SLC14A2: variants seen among roughly 807,000 people sequenced by gnomAD.
SLC14A2 encodes solute carrier family 14 member 2, also known as urea transporter 2.
A neutral mutation model predicts 104.6 loss-of-function variants in SLC14A2; 91 were observed. The ratio of observed to expected loss-of-function variants is 0.87; its 90% confidence interval spans 0.73 to 1.04. The LOEUF (loss-of-function observed/expected upper bound fraction) is 1.04, where lower values mean the gene tolerates loss of function less well. Ranked by LOEUF, SLC14A2 falls within the 50% of genes least tolerant of loss-of-function variation. SLC14A2 has a pLI of 0.00. For missense variants in SLC14A2, 1,189 were observed against 1,156.0 expected (o/e 1.03, Z -0.41); for synonymous variants, 476 against 466.4 (o/e 1.02, Z -0.27).
At chr18:45,489,327 A>G (rs1326297286) in intron 2 of SLC14A2, among the ~76,000 whole-genome samples, 2 of 152,156 alleles carry the variant, frequency 1.3e-5, no homozygotes, top group Non-Finnish European at 2.9e-5. Context: ...CCTGGCCAAC[A>G]TAGGGAAAAC....
At position 45,632,346 on chromosome 18, in the gene SLC14A2, C is replaced by G. The variant is rs766474732; in HGVS notation, c.522-4C>G. 2.5e-6 allele frequency: 4 copies of G among 1,610,192 alleles called. No homozygotes were observed. In the South Asian group the frequency reaches 4.4e-5, roughly 18 times the overall value. ...AATGCAAAATCAGTCTGTTTCACCGCCAGGTCTGCCATTGCCTCAGGACTC... is the reference window on the plus strand; with the variant it reads ...AATGCAAAATCAGTCTGTTTCACCGGCAGGTCTGCCATTGCCTCAGGACTC... On this transcript the variant is annotated splice_region_variant and splice_polypyrimidine_tract_variant and intron_variant, in intron 4 of 19. Transcript: ENST00000255226.
intron 1 of SLC14A2, among the ~76,000 whole-genome samples, chr18:45,471,730 CT>C (rs925543829): frequency 6.6e-6 from 1 of 151,870 alleles, no homozygotes; most frequent in Non-Finnish European, 1.5e-5. Flanking sequence ...GGTGATGACT[CT>C]TTTTTTCTCC....
At chr18:45,477,826 C>T (rs2087413513) in intron 1 of SLC14A2, among the ~76,000 whole-genome samples, 1 of 152,148 alleles carries the variant, frequency 6.6e-6, no homozygotes, top group Admixed American at 6.5e-5. Context: ...TGGCGGATGC[C>T]CTTACCCCAA....
rs1047209803 is a variant in SLC14A2 at position 45,476,625 on chromosome 18, C to T, written c.-124-6608C>T. On this transcript the variant is annotated intron_variant, in intron 1 of 20. Transcript: ENST00000586448. ...ATCACTTTCAGGTACACCAGTCAAA[C>T]GTAGGTTTGGTCTTTTCACATAGTC... 4.6e-5 allele frequency among the ~76,000 whole-genome samples: 7 copies of T among 152,270 alleles called. No homozygotes were observed. In the South Asian group the frequency reaches 1.0e-3, roughly 23 times the overall value.
intron 14 of SLC14A2, 142 bp from the exon 15 acceptor site, chr18:45,668,207 T>C (rs2046063789): frequency 3.3e-6 from 4 of 1,224,092 alleles, no homozygotes; most frequent in East Asian, 2.4e-5. Context: ...CATAGGGTTG[T>C]CTTCCTTCCC....
chr18:45,654,365 G>A (rs886621828), intron 10 of SLC14A2, among the ~76,000 whole-genome samples: 13 of 152,130 alleles, frequency 8.5e-5, no homozygotes, highest in Middle Eastern at 3.2e-3. Context: ...CAGAGACGCC[G>A]CCCAATCAGA....
chr18:45,188,859 G>C, the SLC14A2 span, among the ~76,000 whole-genome samples: 1 of 152,300 alleles, frequency 6.6e-6, no homozygotes, highest in South Asian at 2.1e-4. Context: ...ACACCCTGTG[G>C]TGTCAGAAGG....
At chr18:45,527,210 G>T (rs1320895097) in intron 2 of SLC14A2, among the ~76,000 whole-genome samples, 3 of 152,200 alleles carry the variant, frequency 2.0e-5, no homozygotes, top group African/African-American at 7.2e-5. Flanking sequence ...CTGATGAGAA[G>T]CGTTGGGATG....
At chr18:45,518,095 G>T (rs1445889962) in intron 2 of SLC14A2, among the ~76,000 whole-genome samples, 2 of 152,114 alleles carry the variant, frequency 1.3e-5, no homozygotes, top group Non-Finnish European at 2.9e-5. Flanking sequence ...TTTATGGAAT[G>T]GAATAGGATA....
intron 1 of SLC14A2, among the ~76,000 whole-genome samples, chr18:45,407,135 G>C (rs1228052721): frequency 6.6e-6 from 1 of 152,008 alleles, no homozygotes; most frequent in Non-Finnish European, 1.5e-5. Flanking sequence ...CCCAATATAA[G>C]GCTGTTTCAT....
At chr18:45,641,394 C>T (rs376273652) in intron 8 of SLC14A2, 51 bp downstream of exon 8, 2 of 1,606,494 alleles carry the variant, frequency 1.2e-6, no homozygotes, top group Non-Finnish European at 1.7e-6. Flanking sequence ...ATTCCTTCCC[C>T]CCTTGTTTAT....
intron 1 of SLC14A2, among the ~76,000 whole-genome samples, chr18:45,326,088 T>C (rs1265556411): frequency 6.6e-6 from 1 of 152,250 alleles, no homozygotes; most frequent in Non-Finnish European, 1.5e-5. Context: ...GATTTCTAGC[T>C]GGATGGCCTC....
chr18:45,502,708 C>A (rs1244889980), intron 2 of SLC14A2, among the ~76,000 whole-genome samples: 10 of 152,166 alleles, frequency 6.6e-5, no homozygotes, highest in Admixed American at 6.5e-4. Flanking sequence ...GACAGCGCAT[C>A]TAGTCAATGT....
chr18:45,216,220 A>T (rs2084009259), intron 1 of SLC14A2, among the ~76,000 whole-genome samples: 1 of 152,160 alleles, frequency 6.6e-6, no homozygotes, highest in East Asian at 1.9e-4. Flanking sequence ...GGTTTGGTCT[A>T]ATTTGGGCAA....
chr18:45,413,769 C>T (rs1206761012), intron 1 of SLC14A2, among the ~76,000 whole-genome samples: 5 of 152,156 alleles, frequency 3.3e-5, no homozygotes, highest in Admixed American at 1.3e-4. Context: ...TTTCTACTAA[C>T]TTATCATGCT....
At chr18:45,667,596 C>T (rs548641126) in intron 13 of SLC14A2, among the ~76,000 whole-genome samples, 1 of 152,328 alleles carries the variant, frequency 6.6e-6, no homozygotes, top group South Asian at 2.1e-4. Context: ...CTAATCCCCC[C>T]TGCCAGAAAA....
intron 1 of SLC14A2, among the ~76,000 whole-genome samples, chr18:45,218,427 A>G (rs777477682): frequency 8.1e-4 from 123 of 152,356 alleles, no homozygotes; most frequent in Middle Eastern, 3.4e-3. Context: ...GATGAAGAAG[A>G]TAAAATGCTT....
At chr18:45,582,845 G>T (rs1009737309) in intron 2 of SLC14A2, among the ~76,000 whole-genome samples, 4 of 152,024 alleles carry the variant, frequency 2.6e-5, no homozygotes, top group Non-Finnish European at 5.9e-5. Flanking sequence ...CCCCCCTTAG[G>T]AACACTCCAG....
intron 1 of SLC14A2, among the ~76,000 whole-genome samples, chr18:45,352,325 T>C (rs2085511404): frequency 6.6e-6 from 1 of 152,174 alleles, no homozygotes; most frequent in South Asian, 2.1e-4. Flanking sequence ...CATTCTTTCT[T>C]ATGATTCTCC....
Sources: gnomAD v4.1 joint callset for allele counts (sites outside exome capture counted in the v4.1 genomes callset) on GRCh38, gnomAD v4.1.1 for gene constraint, MANE v1.5 for transcripts, NCBI Gene and HGNC (gene_info 2026-07-23, HGNC 2026-07-21) for gene names.